Variants in RANBP10 observed in about 807,000 individuals in gnomAD.
The protein encoded by RANBP10 is RAN binding protein 10.
A neutral mutation model predicts 72.8 loss-of-function variants in RANBP10; 24 were observed. The observed-to-expected ratio is 0.33, with a 90% confidence interval of 0.24 to 0.46. RANBP10 has a LOEUF of 0.46. Ranked by LOEUF, RANBP10 falls within the 20% of genes least tolerant of loss-of-function variation. The pLI is 1.00. For synonymous variants in RANBP10, 310 were observed against 322.3 expected, an observed-to-expected ratio of 0.96 and a Z score of 0.41; for missense variants, 679 against 817.5, an observed-to-expected ratio of 0.83 and a Z score of 2.07.
chr16:67,742,231 C>T (rs1158527808), intron 4 of RANBP10, among the ~76,000 whole-genome samples: 1 of 152,116 alleles, frequency 6.6e-6, no homozygotes, highest in African/African-American at 2.4e-5. Context: ...TCTTAAATGG[C>T]TGATGTCTTC....
chr16:67,786,315 C>G (rs542297921), intron 2 of RANBP10, among the ~76,000 whole-genome samples: 1 of 150,064 alleles, frequency 6.7e-6, no homozygotes, highest in Non-Finnish European at 1.5e-5. Context: ...TGCGACAGAG[C>G]AAAAATCCAT....
chr16:67,805,401 G>A (rs201001942), intron 2 of RANBP10, 27 bp downstream of exon 2: 4 of 1,586,094 alleles, frequency 2.5e-6, no homozygotes, highest in South Asian at 1.1e-5. Flanking sequence ...CATGATCAGG[G>A]AAAGAGGGTG....
chr16:67,777,236 C>A (rs1044005856), intron 2 of RANBP10, among the ~76,000 whole-genome samples: 19 of 151,040 alleles, frequency 1.3e-4, no homozygotes, highest in Admixed American at 5.9e-4. Flanking sequence ...AAAAAAAATA[C>A]TTAAAAGTAA....
intron 2 of RANBP10, among the ~76,000 whole-genome samples, chr16:67,797,306 G>A (rs1050519548): frequency 3.3e-5 from 5 of 152,232 alleles, no homozygotes; most frequent in Non-Finnish European, 5.9e-5. Flanking sequence ...AGGCAACGAC[G>A]CTCCCCACTC....
At chr16:67,774,380 C>A (rs1433360146) in intron 2 of RANBP10, among the ~76,000 whole-genome samples, 4 of 152,232 alleles carry the variant, frequency 2.6e-5, no homozygotes, top group Non-Finnish European at 5.9e-5. Context: ...CCACAACATT[C>A]TATGGGAATG....
chr16:67,744,093 G>A (rs539705060), intron 4 of RANBP10, 195 bp downstream of exon 4: 5 of 985,280 alleles, frequency 5.1e-6, no homozygotes, highest in South Asian at 4.7e-5. Context: ...CTGGATAAAC[G>A]CAGCTGACTG....
At chr16:67,797,396 T>C (rs995437324) in intron 2 of RANBP10, among the ~76,000 whole-genome samples, 4 of 152,202 alleles carry the variant, frequency 2.6e-5, no homozygotes, top group South Asian at 2.1e-4. Flanking sequence ...AGGCCAGGTG[T>C]GGTGGCTCAT....
intron 4 of RANBP10, among the ~76,000 whole-genome samples, chr16:67,740,946 G>C (rs1486462748): frequency 1.3e-5 from 2 of 152,090 alleles, no homozygotes; most frequent in Non-Finnish European, 2.9e-5. Context: ...CTGCCCCGGA[G>C]CTGCCCTCAT....
intron 11 of RANBP10, 46 bp from the exon 12 acceptor site, chr16:67,727,942 G>A: frequency 1.2e-6 from 2 of 1,603,642 alleles, no homozygotes; most frequent in Non-Finnish European, 1.7e-6. Context: ...GGGTGAAGAG[G>A]GAAGGGCAGG....
intron 3 of RANBP10, among the ~76,000 whole-genome samples, chr16:67,745,586 C>T (rs561969124): frequency 1.3e-5 from 2 of 150,668 alleles, no homozygotes; most frequent in African/African-American, 2.4e-5. Context: ...CCTCCAGCCT[C>T]GGCATCCCAA....
chr16:67,752,130 CG>C, intron 3 of RANBP10, among the ~76,000 whole-genome samples: 1 of 152,234 alleles, frequency 6.6e-6, no homozygotes, highest in Admixed American at 6.5e-5. Context: ...TGTTACAGGC[CG>C]GATAAGACCC....
At position 67,728,516 on chromosome 16, in the gene RANBP10, G is replaced by T. The variant is rs775509588; in HGVS notation, c.1353-5C>A. 6.2e-7 allele frequency: 1 copy of T among 1,613,970 alleles called. No individual in the cohort carries two copies. The highest frequency in any genetic ancestry group is 8.5e-7 in the Non-Finnish European group (1 of 1,180,032). On this transcript the variant is annotated splice_region_variant and splice_polypyrimidine_tract_variant and intron_variant, in intron 10 of 13. Coordinates refer to ENST00000317506, the MANE Select transcript of RANBP10 (RefSeq NM_020850.3). ...TCCATCTCCATCTCACTGTCGCTGT[G>T]GGGAGGGGTTGAGGTGGGAGTTGGC...
intron 4 of RANBP10, among the ~76,000 whole-genome samples, chr16:67,740,692 G>A (rs1466746570): frequency 6.6e-6 from 1 of 152,186 alleles, no homozygotes; most frequent in Non-Finnish European, 1.5e-5. Context: ...CTTGGAAGAT[G>A]TATACTACCT....
chr16:67,759,149 G>A (rs2054346491), intron 3 of RANBP10, among the ~76,000 whole-genome samples: 1 of 152,230 alleles, frequency 6.6e-6, no homozygotes, highest in Admixed American at 6.5e-5. Flanking sequence ...CCTCTGTTCT[G>A]GACGGCCCTG....
intron 3 of RANBP10, among the ~76,000 whole-genome samples, chr16:67,765,208 A>C (rs1178011096): frequency 2.7e-5 from 4 of 149,808 alleles, no homozygotes; most frequent in Non-Finnish European, 4.4e-5. Flanking sequence ...TCAAAAAAAA[A>C]AAAAAAAAAA....
intron 2 of RANBP10, among the ~76,000 whole-genome samples, chr16:67,793,148 G>T (rs1460444611): frequency 1.3e-5 from 2 of 151,986 alleles, no homozygotes; most frequent in African/African-American, 2.4e-5. Context: ...CCCCACAGGG[G>T]TCTAACCTCC....
chr16:67,742,394 C>G (rs2053986359), intron 4 of RANBP10, among the ~76,000 whole-genome samples: 1 of 152,032 alleles, frequency 6.6e-6, no homozygotes. Context: ...TGAGATACAA[C>G]AAGTAAGAAC....
At chr16:67,759,689 T>C (rs766076535) in intron 3 of RANBP10, 2 of 152,468 alleles carry the variant, frequency 1.3e-5, no homozygotes, top group African/African-American at 2.4e-5. Context: ...GTGGTGTTAA[T>C]GGTGGACACT....
intron 2 of RANBP10, among the ~76,000 whole-genome samples, chr16:67,776,202 G>A (rs1471918783): frequency 6.6e-6 from 1 of 151,814 alleles, no homozygotes; most frequent in Non-Finnish European, 1.5e-5. Flanking sequence ...GCTCACACCT[G>A]TAATCCCAGC....
Sources: allele counts gnomAD v4.1 joint callset (sites outside exome capture counted in the v4.1 genomes callset), GRCh38; gene constraint gnomAD v4.1.1; transcripts MANE v1.5; gene names NCBI Gene and HGNC (gene_info 2026-07-23, HGNC 2026-07-21).